MAPK4: variants seen among roughly 807,000 people sequenced by gnomAD.
MAPK4 encodes mitogen-activated protein kinase 4.
Under a neutral mutation model 47.7 loss-of-function variants are expected in MAPK4, and 22 were observed. The observed-to-expected ratio is 0.46, with a 90% CI of 0.33 to 0.66. The LOEUF (loss-of-function observed/expected upper bound fraction) is 0.66, where lower values mean the gene tolerates loss of function less well. Among genes scored for constraint, MAPK4 ranks in the 30% least tolerant of loss-of-function variants. MAPK4 has a pLI of 0.02. For synonymous variants in MAPK4, 390 were observed against 365.7 expected, an observed-to-expected ratio of 1.07 and a Z score of -0.76; for missense variants, 736 against 831.7, an observed-to-expected ratio of 0.88 and a Z score of 1.42.
Position 50,581,436 on chromosome 18 carries a change from C to T in MAPK4, c.-871+21193C>T, listed in dbSNP as rs373018332. The stretch of plus-strand genomic sequence containing the variant: ...ACACGGCAGCTGCCTCCCTCCAGGG[C>T]ACACACGTGATCCAAGAGAGCAACC... On this transcript the variant is annotated intron_variant, in intron 1 of 5. Coordinates refer to ENST00000400384, the MANE Select transcript of MAPK4 (RefSeq NM_002747.4). Among the ~76,000 whole-genome samples, 4 of 152,300 alleles carry T rather than the reference C, an allele frequency of 2.6e-5. No homozygotes were observed. In the East Asian group the frequency reaches 5.8e-4, roughly 22 times the overall value.
rs949060989 is a variant in MAPK4, at chr18:50,691,000, CT to C, written c.547-24074del. 1.1e-4 allele frequency among the ~76,000 whole-genome samples: 16 copies of C among 149,634 alleles called. No individual in the cohort carries two copies. In the South Asian group the frequency reaches 1.9e-3, roughly 18 times the overall value. On this transcript the variant is annotated intron_variant, in intron 2 of 5. Coordinates refer to ENST00000400384, the MANE Select transcript of MAPK4 (RefSeq NM_002747.4). ...ATTCATGCTCAGTTGAAATTTGCCTCTTTTTATTTTGAGACAGGGTCTCGCT... is the reference window on the plus strand; with the variant it reads ...ATTCATGCTCAGTTGAAATTTGCCTCTTTTATTTTGAGACAGGGTCTCGCT...
At chr18:50,644,106 C>T (rs2042966408) in intron 1 of MAPK4, among the ~76,000 whole-genome samples, 3 of 152,132 alleles carry the variant, frequency 2.0e-5, no homozygotes, top group African/African-American at 7.2e-5. Flanking sequence ...GACTTGAGTC[C>T]AAGAAGATTT....
At chr18:50,717,467 C>G (rs1250238834) in intron 3 of MAPK4, among the ~76,000 whole-genome samples, 1 of 152,138 alleles carries the variant, frequency 6.6e-6, no homozygotes, top group Admixed American at 6.5e-5. Context: ...GGCTACCCCA[C>G]ACTTCCATGT....
intron 2 of MAPK4, among the ~76,000 whole-genome samples, chr18:50,677,490 G>T (rs976434597): frequency 6.6e-6 from 1 of 152,128 alleles, no homozygotes; most frequent in African/African-American, 2.4e-5. Context: ...TGGCCCAGGA[G>T]TCCACGGACA....
rs546282749 is a variant in MAPK4 at position 50,686,038 on chromosome 18, C to CA, written c.546+21534_546+21535insA. Among the ~76,000 whole-genome samples the CA allele has an allele frequency of 4.8e-3, 733 of 152,204 alleles. 2 individuals carry two copies. Among genetic ancestry groups the CA allele is most frequent in the African/African-American group, 0.016 (682 of 41,520 alleles). ...CCCTAGAAAGGCCCCCTAGAAGTAACTCACCTGAGGTGATGGTAGAGACTG... is the reference window on the plus strand; with the variant it reads ...CCCTAGAAAGGCCCCCTAGAAGTAACATCACCTGAGGTGATGGTAGAGACTG... On this transcript the variant is annotated intron_variant, in intron 2 of 5. Transcript: ENST00000400384.
chr18:50,715,049 A>G, intron 2 of MAPK4, 30 bp from the exon 3 acceptor site: 1 of 1,610,794 alleles, frequency 6.2e-7, no homozygotes, highest in Non-Finnish European at 8.5e-7. Flanking sequence ...AAAATGACTG[A>G]TCAGTGGAAC....
At chr18:50,588,179 T>C (rs1024489183) in intron 1 of MAPK4, among the ~76,000 whole-genome samples, 6 of 152,198 alleles carry the variant, frequency 3.9e-5, no homozygotes, top group African/African-American at 1.4e-4. Context: ...ATTTGGGCAG[T>C]GCTGGGAAGG....
intron 2 of MAPK4, among the ~76,000 whole-genome samples, chr18:50,700,768 CA>C (rs111328139): frequency 0.021 from 3,196 of 152,306 alleles, 109 homozygotes; most frequent in African/African-American, 0.073. Context: ...AAAATCCCTG[CA>C]GATTCTCTAG....
At chr18:50,640,654 T>TG (rs567163497) in intron 1 of MAPK4, among the ~76,000 whole-genome samples, 1 of 152,060 alleles carries the variant, frequency 6.6e-6, no homozygotes, top group South Asian at 2.1e-4. Context: ...TTAGTAGAGA[T>TG]GGGGTTTCAC....
rs371938450 is a variant in MAPK4, at chr18:50,725,980, A to G, written c.872A>G (p.Lys291Arg). The G allele has an allele frequency of 5.0e-6, 8 of 1,614,214 alleles. No individual in the cohort carries two copies. Among genetic ancestry groups the G allele is most frequent in the South Asian group, 1.1e-5 (1 of 91,076 alleles). The change falls in exon 5 of 6, where the codon AAG (lysine) becomes AGG (arginine). Residue 291 changes from lysine (K) to arginine (R), a missense_variant. Transcript: ENST00000400384. ...VNSEAIDFLEKILTFNPMDRL... is the reference protein window; with the variant it reads ...VNSEAIDFLERILTFNPMDRL... ...CCTGCAGCCATCGACTTTCTGGAGAAGATCCTGACCTTTAACCCCATGGAT... is the reference window on the plus strand; with the variant it reads ...CCTGCAGCCATCGACTTTCTGGAGAGGATCCTGACCTTTAACCCCATGGAT...
intron 5 of MAPK4, among the ~76,000 whole-genome samples, chr18:50,728,816 A>C (rs777132489): frequency 6.6e-6 from 1 of 152,226 alleles, no homozygotes; most frequent in Admixed American, 6.5e-5. Flanking sequence ...AGCATTGCAC[A>C]GGTGGATCCC....
In MAPK4 at chr18:50,666,757, G is replaced by A. The variant is rs113337187; in HGVS notation, c.546+2253G>A. Reference sequence around the variant, plus strand: ...GTGCTCACATCATCCCTGCAACCCCGTGTTTGGCAGATGCCACCCACCCCT... The same window carrying A: ...GTGCTCACATCATCCCTGCAACCCCATGTTTGGCAGATGCCACCCACCCCT... On this transcript the variant is annotated intron_variant, in intron 2 of 5. Coordinates refer to ENST00000400384, the MANE Select transcript of MAPK4 (RefSeq NM_002747.4). 6.3e-3 allele frequency among the ~76,000 whole-genome samples: 960 copies of A among 152,220 alleles called. 8 individuals carry two copies. Among genetic ancestry groups the A allele is most frequent in the African/African-American group, 0.02 (819 of 41,544 alleles).
intron 1 of MAPK4, among the ~76,000 whole-genome samples, chr18:50,662,263 A>G (rs2043180209): frequency 6.6e-6 from 1 of 152,154 alleles, no homozygotes; most frequent in Non-Finnish European, 1.5e-5. Context: ...CTATGATATT[A>G]CCTTACTTCA....
At chr18:50,561,099 G>T (rs2149353624) in intron 1 of MAPK4, among the ~76,000 whole-genome samples, 1 of 152,370 alleles carries the variant, frequency 6.6e-6, no homozygotes, top group East Asian at 1.9e-4. Context: ...GTGGGGAATG[G>T]ATTCCGATCG....
Position 50,731,675 on chromosome 18 carries a change from G to C in MAPK4, c.*1821G>C, listed in dbSNP as rs1034921888. On this transcript the variant is annotated 3_prime_UTR_variant, in exon 6 of 6. Transcript: ENST00000400384. ...CCTCAGAGGGCGGCTTTACTTTTTT[G>C]GTAAAGGAACAAGCTGCTGGCCTTG... 3.9e-5 allele frequency: 6 copies of C among 152,066 alleles called. No homozygotes were observed. Among genetic ancestry groups the C allele is most frequent in the Non-Finnish European group, 8.8e-5 (6 of 68,002 alleles). The allele number at this position is 152,066 out of a possible 1,614,324, so 9.4% of individuals were successfully genotyped here. A position where few individuals can be genotyped will look rare whatever the true frequency, so the allele number is the denominator to read the frequency against.
chr18:50,730,183 G>A lies in MAPK4; in HGVS notation c.*329G>A, dbSNP rs1435227999. 2 of 219,398 alleles carry A rather than the reference G, an allele frequency of 9.1e-6. No individual in the cohort carries two copies. Among genetic ancestry groups the A allele is most frequent in the East Asian group, 9.9e-5 (1 of 10,132 alleles). The allele number at this position is 219,398 out of a possible 1,614,324, so 13.6% of individuals were successfully genotyped here. A position where few individuals can be genotyped will look rare whatever the true frequency, so the allele number is the denominator to read the frequency against. On this transcript the variant is annotated 3_prime_UTR_variant, in exon 6 of 6. Coordinates refer to ENST00000400384, the MANE Select transcript of MAPK4 (RefSeq NM_002747.4). ...GGGTGGCAGGATGCCGAGAAATCTT[G>A]CAGAGGTAGCTCCGAAACCATCTGG...
intron 2 of MAPK4, among the ~76,000 whole-genome samples, chr18:50,712,524 C>G (rs990460610): frequency 3.5e-5 from 5 of 144,796 alleles, no homozygotes; most frequent in African/African-American, 1.3e-4. Context: ...GTTAAAAATT[C>G]AGCAGGCTCT....
intron 2 of MAPK4, among the ~76,000 whole-genome samples, chr18:50,680,295 T>C (rs1908520307): frequency 6.6e-6 from 1 of 151,942 alleles, no homozygotes; most frequent in Non-Finnish European, 1.5e-5. Context: ...TTTCACCACA[T>C]TGGCCAGGCT....
At chr18:50,601,202 C>T (rs893164755) in intron 1 of MAPK4, among the ~76,000 whole-genome samples, 6 of 151,252 alleles carry the variant, frequency 4.0e-5, no homozygotes, top group South Asian at 2.1e-4. Flanking sequence ...GGCATGGTGG[C>T]GCGTGCCTGT....
Sources: gnomAD v4.1 joint callset for allele counts (sites outside exome capture counted in the v4.1 genomes callset) on GRCh38, gnomAD v4.1.1 for gene constraint, MANE v1.5 for transcripts, NCBI Gene and HGNC (gene_info 2026-07-23, HGNC 2026-07-21) for gene names.